Variants in PLA2G2C observed in about 807,000 individuals in gnomAD.
PLA2G2C encodes the protein phospholipase A2 group IIC.
PLA2G2C carries 15 observed loss-of-function variants against 14.3 expected under a neutral mutation model. The observed-to-expected ratio is 1.05, with a 90% confidence interval of 0.70 to 1.62. PLA2G2C has a LOEUF of 1.62. PLA2G2C is among the 40% of genes most tolerant of loss of function. The pLI is 0.00. For synonymous variants in PLA2G2C, 79 were observed against 67.7 expected, an observed-to-expected ratio of 1.17 and a Z score of -0.82; for missense variants, 162 against 173.2, an observed-to-expected ratio of 0.94 and a Z score of 0.36.
intron 2 of PLA2G2C, 107 bp downstream of exon 2, chr1:20,177,217 G>T: frequency 1.4e-6 from 1 of 695,436 alleles, no homozygotes. Context: ...TCTTTTCTGC[G>T]GGACTTGTGA....
At chr1:20,175,627 G>A (rs1425667578) in intron 2 of PLA2G2C, among the ~76,000 whole-genome samples, 1 of 152,156 alleles carries the variant, frequency 6.6e-6, no homozygotes, top group Non-Finnish European at 1.5e-5. Context: ...CATGAACTCA[G>A]CTGTTTTTGC....
At chr1:20,169,042 C>G (rs186206811) in intron 4 of PLA2G2C, among the ~76,000 whole-genome samples, 1 of 152,218 alleles carries the variant, frequency 6.6e-6, no homozygotes, top group Admixed American at 6.5e-5. Context: ...CAGAGCAGCC[C>G]CCGGTTGCTA....
At chr1:20,179,668 CCTCT>C (rs1162399532) in intron 1 of PLA2G2C, among the ~76,000 whole-genome samples, 8 of 141,710 alleles carry the variant, frequency 5.6e-5, no homozygotes, top group African/African-American at 2.2e-4. Context: ...TCAGCTTCTC[CCTCT>C]ATGTCAGTTT....
intron 4 of PLA2G2C, among the ~76,000 whole-genome samples, chr1:20,169,483 A>T (rs2018034216): frequency 6.6e-6 from 1 of 152,166 alleles, no homozygotes; most frequent in African/African-American, 2.4e-5. Context: ...CCTGGCCAGG[A>T]AAGGGGTTTT....
chr1:20,176,303 T>C (rs997449136), intron 2 of PLA2G2C, among the ~76,000 whole-genome samples: 3 of 151,912 alleles, frequency 2.0e-5, no homozygotes, highest in African/African-American at 4.8e-5. Flanking sequence ...CTCTTAAGAG[T>C]GGTCACATCT....
intron 2 of PLA2G2C, 55 bp from the exon 3 acceptor site, chr1:20,175,200 T>A (rs1392518769): frequency 6.2e-7 from 1 of 1,612,916 alleles, no homozygotes; most frequent in South Asian, 1.1e-5. Flanking sequence ...AGCATGATGC[T>A]GCCTTGATGT....
intron 1 of PLA2G2C, among the ~76,000 whole-genome samples, chr1:20,184,833 A>G (rs532636403): frequency 6.6e-6 from 1 of 152,132 alleles, no homozygotes; most frequent in South Asian, 2.1e-4. Flanking sequence ...TTTCGCAAGC[A>G]AAACAACGTT....
chr1:20,176,268 C>G (rs10799612), intron 2 of PLA2G2C, among the ~76,000 whole-genome samples: 42,010 of 151,872 alleles, frequency 0.28, 6,191 homozygotes, highest in African/African-American at 0.35. Context: ...TGTGGGTAAA[C>G]GCTGTATAGA....
intron 4 of PLA2G2C, among the ~76,000 whole-genome samples, chr1:20,172,012 C>T (rs1397939444): frequency 6.6e-6 from 1 of 151,916 alleles, no homozygotes; most frequent in African/African-American, 2.4e-5. Flanking sequence ...ATCCGCCCGC[C>T]TCGGCCTCCC....
In PLA2G2C at chr1:20,172,785, G is replaced by A. The variant is rs770331134; in HGVS notation, c.283+9C>T. 1 of 1,608,302 alleles carries A rather than the reference G, an allele frequency of 6.2e-7. No homozygotes were observed. The highest frequency in any genetic ancestry group is 1.3e-5 in the African/African-American group (1 of 74,870). ...TAAAAGACATTTCCATACAGAAAAG[G>A]CTACTCACAAACCACTGCGCCATTG... On this transcript the variant is annotated intron_variant, in intron 4 of 4. Coordinates refer to ENST00000679259, the MANE Select transcript of PLA2G2C (RefSeq NM_001367969.2).
intron 4 of PLA2G2C, among the ~76,000 whole-genome samples, chr1:20,165,740 A>C (rs891148915): frequency 4.0e-5 from 6 of 151,440 alleles, no homozygotes; most frequent in African/African-American, 1.2e-4. Flanking sequence ...TTGTGTGTGC[A>C]GGTATGTGTC....
chr1:20,183,141 T>C (rs985117936), intron 1 of PLA2G2C, among the ~76,000 whole-genome samples: 7 of 152,230 alleles, frequency 4.6e-5, no homozygotes, highest in Admixed American at 4.6e-4. Context: ...CAAGAGTTAG[T>C]AGCCCTCACT....
At chr1:20,169,431 C>T (rs2018033469) in intron 4 of PLA2G2C, among the ~76,000 whole-genome samples, 1 of 152,192 alleles carries the variant, frequency 6.6e-6, no homozygotes. Context: ...CCTCCCGCCT[C>T]AGCCTCCCAG....
At chr1:20,184,869 A>G (rs530639602) in intron 1 of PLA2G2C, among the ~76,000 whole-genome samples, 15 of 152,218 alleles carry the variant, frequency 9.9e-5, no homozygotes, top group Admixed American at 5.9e-4. Flanking sequence ...AGAAGAAAGG[A>G]GAGGCTGGGC....
chr1:20,165,323 T>TA (rs2017956865), intron 4 of PLA2G2C, among the ~76,000 whole-genome samples: 1 of 152,232 alleles, frequency 6.6e-6, no homozygotes, highest in African/African-American at 2.4e-5. Context: ...CCACCTGAAC[T>TA]AAAGCTCTCT....
chr1:20,163,718 A>C lies in PLA2G2C; in HGVS notation c.*273T>G. On this transcript the variant is annotated 3_prime_UTR_variant, in exon 5 of 5. Coordinates refer to ENST00000679259, the MANE Select transcript of PLA2G2C (RefSeq NM_001367969.2). ...AGTCTAATGTGTCTCTTACTTCTAT[A>C]TCCATGCATTTGTAGTCCTCCCCAC... 1 of 419,456 alleles carries C rather than the reference A, an allele frequency of 2.4e-6. No individual in the cohort carries two copies. The highest frequency in any genetic ancestry group is 4.3e-6 in the Non-Finnish European group (1 of 233,226). The allele number at this position is 419,456 out of a possible 1,614,324, so 26.0% of individuals were successfully genotyped here. A position where few individuals can be genotyped will look rare whatever the true frequency, so the allele number is the denominator to read the frequency against.
intron 4 of PLA2G2C, among the ~76,000 whole-genome samples, chr1:20,171,386 C>G (rs905892368): frequency 1.3e-5 from 2 of 152,196 alleles, no homozygotes; most frequent in African/African-American, 4.8e-5. Context: ...TGGCAGTGGG[C>G]AGGGCAGGCC....
Position 20,175,122 on chromosome 1 carries a change from G to T in PLA2G2C, c.64C>A (p.Gln22Lys). 1 of 1,613,914 alleles carries T rather than the reference G, an allele frequency of 6.2e-7. No homozygotes were observed. The highest frequency in any genetic ancestry group is 8.5e-7 in the Non-Finnish European group (1 of 1,179,852). Residue 22 changes from glutamine to lysine, a missense_variant, in exon 3 of 5, where the codon CAG (glutamine) becomes AAG (lysine). By Grantham distance (53) the Gln-to-Lys change is moderately conservative. Coordinates refer to ENST00000679259, the MANE Select transcript of PLA2G2C (RefSeq NM_001367969.2). The stretch of plus-strand genomic sequence containing the variant: ...ATGTGTTTGACCCTCCTCTGAAACT[G>T]CCAGAAACTGCTGTGGGTGGGGGCT... ...FCSPTHSSFW[Q>K]FQRRVKHITG...
chr1:20,168,056 A>C (rs554325572), intron 4 of PLA2G2C, among the ~76,000 whole-genome samples: 1 of 152,340 alleles, frequency 6.6e-6, no homozygotes, highest in African/African-American at 2.4e-5. Context: ...CCCAACATGC[A>C]GTAAAGGCTC....
Sources: gnomAD v4.1 joint callset for allele counts (sites outside exome capture counted in the v4.1 genomes callset) on GRCh38, gnomAD v4.1.1 for gene constraint, MANE v1.5 for transcripts, NCBI Gene and HGNC (gene_info 2026-07-23, HGNC 2026-07-21) for gene names.